KCNJ3: variants seen among roughly 807,000 people sequenced by gnomAD.
KCNJ3 encodes potassium inwardly rectifying channel subfamily J member 3, also known as G protein-activated inward rectifier potassium channel 1.
Under a neutral mutation model 39.2 loss-of-function variants are expected in KCNJ3, and 4 were observed. The ratio of observed to expected loss-of-function variants is 0.10; its 90% CI spans 0.05 to 0.23. The LOEUF is 0.23. Among genes scored for constraint, KCNJ3 ranks in the 10% least tolerant of loss-of-function variants. The pLI, the probability that KCNJ3 is intolerant of heterozygous loss-of-function variation, is 1.00. For missense variants in KCNJ3, 276 were observed against 634.9 expected, an observed-to-expected ratio of 0.43 and a Z score of 6.08; for synonymous variants, 230 against 237.4, an observed-to-expected ratio of 0.97 and a Z score of 0.29.
At chr2:154,815,674 T>C (rs1687072934) in intron 2 of KCNJ3, among the ~76,000 whole-genome samples, 1 of 152,232 alleles carries the variant, frequency 6.6e-6, no homozygotes, top group South Asian at 2.1e-4. Flanking sequence ...GTATATTATA[T>C]GTTTTCTGTT....
intron 2 of KCNJ3, among the ~76,000 whole-genome samples, chr2:154,804,318 G>T (rs1012967863): frequency 7.2e-5 from 11 of 152,232 alleles, no homozygotes; most frequent in African/African-American, 2.6e-4. Context: ...AACTTCACTA[G>T]AAGTGCTAGT....
chr2:154,823,721 T>A (rs1401432525), intron 2 of KCNJ3, among the ~76,000 whole-genome samples: 12 of 152,180 alleles, frequency 7.9e-5, no homozygotes, highest in Admixed American at 7.9e-4. Context: ...CAATTTAAAT[T>A]AGTTTCCTGT....
intron 2 of KCNJ3, among the ~76,000 whole-genome samples, chr2:154,773,945 G>A (rs1177343765): frequency 6.6e-6 from 1 of 151,950 alleles, no homozygotes; most frequent in Non-Finnish European, 1.5e-5. Context: ...ATTCATAACT[G>A]CCTGATGTTG....
intron 2 of KCNJ3, among the ~76,000 whole-genome samples, chr2:154,748,554 G>C (rs1396458979): frequency 6.6e-6 from 1 of 151,968 alleles, no homozygotes. Flanking sequence ...AGTGCCCTTC[G>C]TCCTGTGCCT....
chr2:154,804,988 T>G (rs1289394723), intron 2 of KCNJ3, among the ~76,000 whole-genome samples: 2 of 152,114 alleles, frequency 1.3e-5, no homozygotes, highest in Non-Finnish European at 2.9e-5. Flanking sequence ...AGAAATTTAT[T>G]TCCATTATCA....
intron 2 of KCNJ3, among the ~76,000 whole-genome samples, chr2:154,836,617 TAATATA>T (rs1687468206): frequency 2.1e-3 from 1 of 476 alleles, no homozygotes. Flanking sequence ...TGTACTAAAA[TAATATA>T]TATTTGTGAT....
At position 154,858,350 on chromosome 2, in the gene KCNJ3, T is replaced by G. The variant is rs769922738; in HGVS notation, c.*3037T>G. The G allele has an allele frequency of 3.3e-5, 5 of 152,210 alleles. No homozygotes were observed. Among genetic ancestry groups the G allele is most frequent in the Non-Finnish European group, 7.4e-5 (5 of 68,026 alleles). The allele number at this position is 152,210 out of a possible 1,614,324, so 9.4% of individuals were successfully genotyped here. Reference sequence around the variant, plus strand: ...GGATAAAAATAAAGAATTGCTTTTCTTCTCCTTTTGCTGATTTTTTGACAC... The same window carrying G: ...GGATAAAAATAAAGAATTGCTTTTCGTCTCCTTTTGCTGATTTTTTGACAC... On this transcript the variant is annotated 3_prime_UTR_variant, in exon 3 of 3. Transcript: ENST00000295101.
intron 2 of KCNJ3, among the ~76,000 whole-genome samples, chr2:154,837,565 A>C (rs1202297516): frequency 6.6e-6 from 1 of 152,134 alleles, no homozygotes; most frequent in East Asian, 1.9e-4. Flanking sequence ...CAAAAAGTTG[A>C]CTTCACCTGT....
chr2:154,728,636 T>A (rs570550032), intron 2 of KCNJ3, among the ~76,000 whole-genome samples: 12 of 152,302 alleles, frequency 7.9e-5, no homozygotes, highest in African/African-American at 2.9e-4. Context: ...TAGCATGTGA[T>A]ATTTAAAACT....
chr2:154,843,254 G>A (rs1379739223), intron 2 of KCNJ3, among the ~76,000 whole-genome samples: 1 of 152,124 alleles, frequency 6.6e-6, no homozygotes, highest in Non-Finnish European at 1.5e-5. Context: ...TGAGAATGTT[G>A]AATATTGGCC....
chr2:154,787,812 A>G (rs1686559893), intron 2 of KCNJ3, among the ~76,000 whole-genome samples: 1 of 151,846 alleles, frequency 6.6e-6, no homozygotes, highest in African/African-American at 2.4e-5. Flanking sequence ...CCATTTGAAA[A>G]CTTGTACATC....
At chr2:154,833,742 T>C (rs549171702) in intron 2 of KCNJ3, among the ~76,000 whole-genome samples, 1 of 152,332 alleles carries the variant, frequency 6.6e-6, no homozygotes, top group African/African-American at 2.4e-5. Flanking sequence ...CTTTCTACTC[T>C]TTCCATAGTT....
chr2:154,723,526 G>C (rs112264979), intron 2 of KCNJ3, among the ~76,000 whole-genome samples: 1 of 152,054 alleles, frequency 6.6e-6, no homozygotes, highest in African/African-American at 2.4e-5. Flanking sequence ...GAGATCGCTG[G>C]GATCACATTT....
chr2:154,794,105 G>T (rs1473531476), intron 2 of KCNJ3, among the ~76,000 whole-genome samples: 1 of 151,850 alleles, frequency 6.6e-6, no homozygotes, highest in Non-Finnish European at 1.5e-5. Flanking sequence ...TCTAACTAAA[G>T]AATCAGATTA....
At chr2:154,702,504 A>G (rs1684921493) in intron 1 of KCNJ3, among the ~76,000 whole-genome samples, 1 of 151,902 alleles carries the variant, frequency 6.6e-6, no homozygotes, top group Non-Finnish European at 1.5e-5. Context: ...TAGTTTTTAA[A>G]TGCCTAACTT....
intron 2 of KCNJ3, among the ~76,000 whole-genome samples, chr2:154,784,176 T>A (rs1344057750): frequency 1.3e-5 from 2 of 152,226 alleles, no homozygotes; most frequent in Non-Finnish European, 2.9e-5. Flanking sequence ...CCATGTTTAA[T>A]ATTTAAAATT....
At chr2:154,825,263 C>G (rs1047896836) in intron 2 of KCNJ3, among the ~76,000 whole-genome samples, 1 of 152,098 alleles carries the variant, frequency 6.6e-6, no homozygotes, top group Non-Finnish European at 1.5e-5. Flanking sequence ...GAATGCCCAG[C>G]TTTGTCTTCC....
intron 1 of KCNJ3, among the ~76,000 whole-genome samples, chr2:154,707,269 T>C (rs1685029546): frequency 6.6e-6 from 1 of 152,058 alleles, no homozygotes; most frequent in African/African-American, 2.4e-5. Flanking sequence ...TAATTTTGAG[T>C]ACAGGTGTAA....
intron 2 of KCNJ3, among the ~76,000 whole-genome samples, chr2:154,804,053 G>T (rs1686867817): frequency 6.6e-6 from 1 of 151,890 alleles, no homozygotes; most frequent in South Asian, 2.1e-4. Context: ...GTATTTTGAA[G>T]GCCATTTCAA....
Sources: gnomAD v4.1 joint callset for allele counts (sites outside exome capture counted in the v4.1 genomes callset) on GRCh38, gnomAD v4.1.1 for gene constraint, MANE v1.5 for transcripts, NCBI Gene and HGNC (gene_info 2026-07-23, HGNC 2026-07-21) for gene names.